Variants in GABRB1 observed in about 807,000 individuals in gnomAD.
The protein encoded by GABRB1 is gamma-aminobutyric acid type A receptor subunit beta1.
Under a neutral mutation model 51.6 loss-of-function variants are expected in GABRB1, and 17 were observed. The observed-to-expected ratio is 0.33, with a 90% CI of 0.23 to 0.49. GABRB1 has a LOEUF of 0.49. Ranked by LOEUF, GABRB1 falls within the 20% of genes least tolerant of loss-of-function variation. GABRB1 has a pLI of 0.99. For synonymous variants in GABRB1, 247 were observed against 218.9 expected (o/e 1.13, Z -1.14); for missense variants, 410 against 600.6 (o/e 0.68, Z 3.32).
chr4:47,319,662 T>C (rs1725005299), intron 4 of GABRB1, among the ~76,000 whole-genome samples: 1 of 152,216 alleles, frequency 6.6e-6, no homozygotes, highest in Non-Finnish European at 1.5e-5. Flanking sequence ...TCTTGTATTG[T>C]GTGTCTGGCT....
intron 4 of GABRB1, among the ~76,000 whole-genome samples, chr4:47,287,851 G>A (rs1723568549): frequency 6.6e-6 from 1 of 152,166 alleles, no homozygotes; most frequent in Admixed American, 6.5e-5. Context: ...CCAACTGCCA[G>A]CAAGATACTG....
intron 4 of GABRB1, among the ~76,000 whole-genome samples, chr4:47,266,928 C>T (rs1485328377): frequency 6.6e-6 from 1 of 151,532 alleles, no homozygotes; most frequent in Non-Finnish European, 1.5e-5. Flanking sequence ...TTTCACAGGT[C>T]TAGTAGTGTT....
At chr4:47,406,063 A>T (rs1728554859) in intron 7 of GABRB1, among the ~76,000 whole-genome samples, 1 of 152,240 alleles carries the variant, frequency 6.6e-6, no homozygotes, top group Non-Finnish European at 1.5e-5. Flanking sequence ...AAGCAACAAG[A>T]TTATAGTAAA....
chr4:47,416,275 G>A (rs946913852), intron 8 of GABRB1, among the ~76,000 whole-genome samples: 1 of 152,134 alleles, frequency 6.6e-6, no homozygotes, highest in African/African-American at 2.4e-5. Flanking sequence ...TGTGTGGCTG[G>A]AGCAGTGCTT....
chr4:47,196,966 A>G (rs1719708723), intron 4 of GABRB1, among the ~76,000 whole-genome samples: 1 of 152,192 alleles, frequency 6.6e-6, no homozygotes, highest in Non-Finnish European at 1.5e-5. Flanking sequence ...CCCTCTATGC[A>G]CAAGATTCAC....
At chr4:47,212,070 T>C (rs937655198) in intron 4 of GABRB1, among the ~76,000 whole-genome samples, 1 of 152,112 alleles carries the variant, frequency 6.6e-6, no homozygotes, top group Non-Finnish European at 1.5e-5. Flanking sequence ...TACCACAGCC[T>C]GAGTGGCAAA....
chr4:47,255,846 G>A (rs923638365), intron 4 of GABRB1, among the ~76,000 whole-genome samples: 1 of 152,210 alleles, frequency 6.6e-6, no homozygotes, highest in African/African-American at 2.4e-5. Flanking sequence ...TGGAATAGGG[G>A]TGATGCACTG....
At chr4:47,067,028 G>A (rs1727117204) in intron 3 of GABRB1, among the ~76,000 whole-genome samples, 1 of 152,218 alleles carries the variant, frequency 6.6e-6, no homozygotes, top group African/African-American at 2.4e-5. Flanking sequence ...TGAATGTTGT[G>A]TTAGAGGGCT....
At chr4:47,116,690 A>T (rs1715494874) in intron 3 of GABRB1, among the ~76,000 whole-genome samples, 1 of 152,162 alleles carries the variant, frequency 6.6e-6, no homozygotes, top group South Asian at 2.1e-4. Flanking sequence ...TGTTGTAATT[A>T]CAATATCTAG....
chr4:47,179,778 A>G (rs1561776), intron 4 of GABRB1, among the ~76,000 whole-genome samples: 130,830 of 152,010 alleles, frequency 0.86, 56,320 homozygotes, highest in Middle Eastern at 0.92. Flanking sequence ...CATCTGTAAG[A>G]ACAAATTTGG....
chr4:47,228,572 G>C lies in GABRB1; in HGVS notation c.461+67103G>C, dbSNP rs970648756. ...ATATGGTTGATATGGTAGCACTCTG[G>C]ATCTTTGTATGTCTATCACTCATCT... On this transcript the variant is annotated intron_variant, in intron 4 of 8. Coordinates refer to ENST00000295454, the MANE Select transcript of GABRB1 (RefSeq NM_000812.4). Among the ~76,000 whole-genome samples, 4 of 152,066 alleles carry C rather than the reference G, an allele frequency of 2.6e-5. No homozygotes were observed. The South Asian group carries it at 8.3e-4, about 32-fold the overall frequency.
intron 4 of GABRB1, among the ~76,000 whole-genome samples, chr4:47,267,035 G>T (rs1485881969): frequency 6.6e-6 from 1 of 151,974 alleles, no homozygotes; most frequent in African/African-American, 2.4e-5. Context: ...AAGAAGATAC[G>T]ACAATTCTAA....
At chr4:47,019,559 C>CTCTCTT (rs1724847128) in intron 1 of GABRB1, among the ~76,000 whole-genome samples, 1 of 150,918 alleles carries the variant, frequency 6.6e-6, no homozygotes. Flanking sequence ...TTCTCTCTCT[C>CTCTCTT]TCTCTCTCTC....
chr4:47,223,577 A>G (rs767156278), intron 4 of GABRB1, among the ~76,000 whole-genome samples: 6 of 152,064 alleles, frequency 3.9e-5, no homozygotes, highest in Non-Finnish European at 7.4e-5. Context: ...CTTATTTTGT[A>G]TAAAGAAAGT....
chr4:47,224,116 C>T (rs1378000817), intron 4 of GABRB1, among the ~76,000 whole-genome samples: 1 of 151,904 alleles, frequency 6.6e-6, no homozygotes, highest in African/African-American at 2.4e-5. Context: ...CTCTGTGCTC[C>T]CAGAAAATAG....
intron 4 of GABRB1, among the ~76,000 whole-genome samples, chr4:47,161,720 A>G (rs1334945937): frequency 1.3e-5 from 2 of 152,046 alleles, no homozygotes; most frequent in Admixed American, 6.6e-5. Context: ...ATTATAGGAT[A>G]TGTAAAGTGG....
intron 4 of GABRB1, among the ~76,000 whole-genome samples, chr4:47,222,560 C>A (rs997272056): frequency 1.3e-5 from 2 of 152,082 alleles, no homozygotes; most frequent in African/African-American, 4.8e-5. Flanking sequence ...GAGGCACAGT[C>A]CAGCAGACAG....
intron 3 of GABRB1, among the ~76,000 whole-genome samples, chr4:47,081,080 T>C (rs1456904919): frequency 6.6e-6 from 1 of 152,182 alleles, no homozygotes; most frequent in Admixed American, 6.6e-5. Flanking sequence ...ATAACGATTC[T>C]GAGGAATGGC....
At chr4:47,080,755 T>A (rs1727800705) in intron 3 of GABRB1, among the ~76,000 whole-genome samples, 1 of 152,152 alleles carries the variant, frequency 6.6e-6, no homozygotes, top group Admixed American at 6.6e-5. Context: ...ATAGACAAAT[T>A]GATTAATCAA....
Sources: allele counts gnomAD v4.1 joint callset (sites outside exome capture counted in the v4.1 genomes callset), GRCh38; gene constraint gnomAD v4.1.1; transcripts MANE v1.5; gene names NCBI Gene and HGNC (gene_info 2026-07-23, HGNC 2026-07-21).